AURKB: variants seen among roughly 807,000 people sequenced by gnomAD.
The protein encoded by AURKB is aurora kinase B.
In AURKB, 28 loss-of-function variants were observed where a neutral mutation model predicts 36.5. That is an observed-to-expected ratio of 0.77 (90% CI 0.57 to 1.05). The LOEUF (loss-of-function observed/expected upper bound fraction) is 1.05. AURKB is among the 50% of genes least tolerant of loss of function. The pLI, the probability that AURKB is intolerant of heterozygous loss-of-function variation, is 0.00. For missense variants in AURKB, 383 were observed against 447.4 expected, an observed-to-expected ratio of 0.86 and a Z score of 1.30; for synonymous variants, 175 against 172.9, an observed-to-expected ratio of 1.01 and a Z score of -0.09.
At position 8,206,901 on chromosome 17, in the gene AURKB, A is replaced by G. The variant is rs757804030; in HGVS notation, c.399-13T>C. ...GATGTTGGGATGGCTGGGGGAAGAG[A>G]CAGAGGAGGCCTCAGGCCAAAGGCA... On this transcript the variant is annotated splice_polypyrimidine_tract_variant and intron_variant, in intron 5 of 8. Coordinates refer to ENST00000585124, the MANE Select transcript of AURKB (RefSeq NM_004217.4). The surrounding 1 kb of genome is among the most constrained non-coding windows in gnomAD (Gnocchi z 4.2). 1 of 1,614,174 alleles carries G rather than the reference A, an allele frequency of 6.2e-7. No individual in the cohort carries two copies. The highest frequency in any genetic ancestry group is 8.5e-7 in the Non-Finnish European group (1 of 1,180,044).
At position 8,206,981 on chromosome 17, in the gene AURKB, C is replaced by T. The variant is rs764652330; in HGVS notation, c.399-93G>A. 38 of 1,580,150 alleles carry T rather than the reference C, an allele frequency of 2.4e-5. No homozygotes were observed. Among genetic ancestry groups the T allele is most frequent in the South Asian group, 1.4e-4 (12 of 88,010 alleles). Reference sequence around the variant, plus strand: ...AACTGGGGTCAGACGTGGCCCAGGCCGGGGACACCAGGGCTGGGAGTGGTA... The same window carrying T: ...AACTGGGGTCAGACGTGGCCCAGGCTGGGGACACCAGGGCTGGGAGTGGTA... On this transcript the variant is annotated intron_variant, in intron 5 of 8. Coordinates refer to ENST00000585124, the MANE Select transcript of AURKB (RefSeq NM_004217.4). The surrounding 1 kb of genome is among the most constrained non-coding windows in gnomAD (Gnocchi z 4.2).
chr17:8,207,135 G>A (rs1205886466), intron 5 of AURKB, 41 bp downstream of exon 5: 2 of 1,583,822 alleles, frequency 1.3e-6, no homozygotes, highest in Non-Finnish European at 1.7e-6. Context: ...CTGGGGGTGA[G>A]GGAGCAGAGG....
In AURKB at chr17:8,206,420, G is replaced by C. The variant is rs1985286478; in HGVS notation, c.686+71C>G. 6.3e-7 allele frequency: 1 copy of C among 1,581,636 alleles called. No homozygotes were observed. Among genetic ancestry groups the C allele is most frequent in the Non-Finnish European group, 8.6e-7 (1 of 1,160,934 alleles). ...TGCTGGGATTACAGGTGTGAGCCAC[G>C]GTGCACGGCCCCTGGAGAGGTTTTA... On this transcript the variant is annotated intron_variant, in intron 7 of 8. Transcript: ENST00000585124. This position sits in a 1 kb window ranked among gnomAD's most constrained non-coding sequence, Gnocchi z 4.2.
At chr17:8,210,421 C>T (rs1022942072) in intron 1 of AURKB, 109 bp downstream of exon 1, 9 of 612,468 alleles carry the variant, frequency 1.5e-5, no homozygotes, top group Admixed American at 3.1e-5. Flanking sequence ...ATCGTCCCTA[C>T]CTCCTTCCAG....
Position 8,207,579 on chromosome 17 carries a change from G to T in AURKB, c.198C>A (p.Asp66Glu), listed in dbSNP as rs752882057. 4.9e-5 allele frequency: 79 copies of T among 1,613,590 alleles called. 1 individual carries two copies. Among genetic ancestry groups the T allele is most frequent in the Non-Finnish European group, 6.5e-5 (77 of 1,179,670 alleles). Reference sequence around the variant, plus strand: ...AGGCTTGGGGCACTTACGTTAAGATGTCGGGTGTCCCACTGCTATTCTCCA... The same window carrying T: ...AGGCTTGGGGCACTTACGTTAAGATTTCGGGTGTCCCACTGCTATTCTCCA... ...KVMENSSGTP[D>E]ILTRHFTIDD... The change falls in exon 4 of 9, where the codon GAC (aspartate) becomes GAA (glutamate). Residue 66 changes from aspartate to glutamate, a missense_variant. This residue lies in a region of AURKB where 105 missense variants were observed against 95.7 expected (regional missense o/e 1.10). Transcript: ENST00000585124.
At chr17:8,210,311 G>C in intron 1 of AURKB, 62 bp from the exon 2 acceptor site, 1 of 1,238,274 alleles carries the variant, frequency 8.1e-7, no homozygotes, top group Non-Finnish European at 1.2e-6. Flanking sequence ...GGGAGGGGTT[G>C]GACCGATCGA....
rs112287362 is a variant in AURKB, at chr17:8,207,940, C to A, written c.49-100G>T. 1.2e-3 allele frequency: 1,045 copies of A among 886,726 alleles called. 13 individuals are homozygous for A. In the African/African-American group the frequency reaches 0.016, roughly 13 times the overall value. The allele number at this position is 886,726 out of a possible 1,614,324, so 54.9% of individuals were successfully genotyped here. ...TTCAGCCCCTTGCTAAAGAGCCACC[C>A]ACCCACCTACCCCCAATTCAAAGAG... is the stretch of plus-strand genomic sequence containing the variant. On this transcript the variant is annotated intron_variant, in intron 2 of 8. Transcript: ENST00000585124.
In AURKB at chr17:8,206,627, A is replaced by C. The variant is rs747492163; in HGVS notation, c.550T>G (p.Leu184Val). ...EQRTATIMEE[L>V]ADALMYCHGK... Reference sequence around the variant, plus strand: ...TGGCAGTACATTAGAGCATCTGCCAACTCCTCCATGATCTGGGAGGGGCAA... The same window carrying C: ...TGGCAGTACATTAGAGCATCTGCCACCTCCTCCATGATCTGGGAGGGGCAA... The change falls in exon 7 of 9, where the codon TTG becomes GTG. Residue 184 changes from leucine (L) to valine (V), a missense_variant. Coordinates refer to ENST00000585124, the MANE Select transcript of AURKB (RefSeq NM_004217.4). The surrounding 1 kb of genome is among the most constrained non-coding windows in gnomAD (Gnocchi z 4.2). 1.2e-6 allele frequency: 2 copies of C among 1,613,810 alleles called. No individual in the cohort carries two copies. The highest frequency in any genetic ancestry group is 1.7e-6 in the Non-Finnish European group (2 of 1,179,994).
intron 4 of AURKB, 22 bp downstream of exon 4, chr17:8,207,548 AC>A (rs1160947604): frequency 3.7e-6 from 6 of 1,609,218 alleles, no homozygotes; most frequent in Non-Finnish European, 4.2e-6. Flanking sequence ...ACCCCCGTCC[AC>A]CCCCAGGCTT....
chr17:8,208,754 C>T (rs1025817105), intron 2 of AURKB, among the ~76,000 whole-genome samples: 6 of 152,162 alleles, frequency 3.9e-5, no homozygotes, highest in African/African-American at 1.4e-4. Flanking sequence ...CTGTATAAGT[C>T]CTGTCCATAA....
intron 7 of AURKB, 97 bp from the exon 8 acceptor site, chr17:8,205,487 T>C: frequency 1.4e-6 from 2 of 1,476,242 alleles, no homozygotes; most frequent in Non-Finnish European, 1.8e-6. Context: ...CCACGGGATG[T>C]ACCAGGGGAG....
At chr17:8,205,416 G>T (rs750317217) in intron 7 of AURKB, 26 bp from the exon 8 acceptor site, 30 of 1,611,044 alleles carry the variant, frequency 1.9e-5, no homozygotes, top group Non-Finnish European at 2.5e-5. Flanking sequence ...GGCGTGGGCA[G>T]GGGTCCTAGT....
At position 8,204,923 on chromosome 17, in the gene AURKB, C is replaced by T. The variant is rs773142037; in HGVS notation, c.983G>A (p.Arg328Gln). Reference protein sequence around the residue: ...LAQVSAHPWVRANSRRVLPPS... With the variant: ...LAQVSAHPWVQANSRRVLPPS... ...AGGCAGCACCCTCCGAGAGTTGGCC[C>T]GGACCCAAGGGTGGGCTGAGACCTG... The change falls in exon 9 of 9, where the codon CGG (arginine) becomes CAG (glutamine). Residue 328 changes from arginine to glutamine, a missense_variant. By Grantham distance (43) the Arg-to-Gln change is conservative (BLOSUM62 1). This residue lies in a region of AURKB where 219 missense variants were observed against 252.6 expected (regional missense o/e 0.87). Coordinates refer to ENST00000585124, the MANE Select transcript of AURKB (RefSeq NM_004217.4). 13 of 1,606,938 alleles carry T rather than the reference C, an allele frequency of 8.1e-6. No individual in the cohort carries two copies. Among genetic ancestry groups the T allele is most frequent in the African/African-American group, 4.1e-5 (3 of 74,018 alleles).
intron 4 of AURKB, 89 bp downstream of exon 4, chr17:8,207,482 C>A: frequency 6.4e-7 from 1 of 1,566,508 alleles, no homozygotes; most frequent in Non-Finnish European, 8.7e-7. Context: ...TTCATCCCTA[C>A]TCCTCCCGTG....
rs1985367074 is a variant in AURKB, at chr17:8,206,817, G to T, written c.470C>A (p.Ala157Asp). 6.2e-7 allele frequency: 1 copy of T among 1,614,244 alleles called. No individual in the cohort carries two copies. Among genetic ancestry groups the T allele is most frequent in the Non-Finnish European group, 8.5e-7 (1 of 1,180,046 alleles). ...RRRIYLILEY[A>D]PRGELYKELQ... is the part of the protein sequence containing the mutation. Reference sequence around the variant, plus strand: ...CTCCTTGTAGAGCTCCCCGCGGGGGGCATACTCTAGAATCAAGTAGATCCT... The same window carrying T: ...CTCCTTGTAGAGCTCCCCGCGGGGGTCATACTCTAGAATCAAGTAGATCCT... Residue 157 changes from alanine to aspartate, a missense_variant, in exon 6 of 9, where the codon GCC becomes GAC. This residue lies in a region of AURKB where 219 missense variants were observed against 252.6 expected (regional missense o/e 0.87). Transcript: ENST00000585124. This position sits in a 1 kb window ranked among gnomAD's most constrained non-coding sequence, Gnocchi z 4.2.
rs768421687 is a variant in AURKB, at chr17:8,205,408, C to T, written c.687-18G>A. On this transcript the variant is annotated intron_variant, in intron 7 of 8. Coordinates refer to ENST00000585124, the MANE Select transcript of AURKB (RefSeq NM_004217.4). ...TCTTCCTCCTGGGAGGGATAAGGGG[C>T]GTGGGCAGGGGTCCTAGTGACATAG... 22 of 1,612,142 alleles carry T rather than the reference C, an allele frequency of 1.4e-5. No individual in the cohort carries two copies. Among genetic ancestry groups the T allele is most frequent in the South Asian group, 8.8e-5 (8 of 90,882 alleles).
chr17:8,205,704 T>C (rs1985165421), intron 7 of AURKB, among the ~76,000 whole-genome samples: 1 of 152,110 alleles, frequency 6.6e-6, no homozygotes, highest in African/African-American at 2.4e-5. Context: ...GTTAAATAAA[T>C]CAGCTACTAT....
chr17:8,205,432 A>G (rs757313254), intron 7 of AURKB, 42 bp from the exon 8 acceptor site: 6 of 1,600,168 alleles, frequency 3.7e-6, no homozygotes, highest in South Asian at 1.1e-5. Context: ...CTAGTGACAT[A>G]GGAACTCTCC....
Position 8,209,952 on chromosome 17 carries a change from A to G in AURKB, c.48+225T>C, listed in dbSNP as rs766965552. On this transcript the variant is annotated intron_variant, in intron 2 of 8. Transcript: ENST00000585124. ...TGTGACGAGCCCTGCAGAGGTCCTC[A>G]CCAGCTGGGAGTCACTGGCTGGTCA... The G allele has an allele frequency of 2.9e-5, 18 of 617,610 alleles. No homozygotes were observed. The East Asian group carries it at 4.8e-4, about 16-fold the overall frequency. The allele number at this position is 617,610 out of a possible 1,614,324, so 38.3% of individuals were successfully genotyped here. A position where few individuals can be genotyped will look rare whatever the true frequency, so the allele number is the denominator to read the frequency against.
Sources: gnomAD v4.1 joint callset for allele counts (sites outside exome capture counted in the v4.1 genomes callset) on GRCh38, gnomAD v4.1.1 for gene constraint, gnomAD v4.1.1 regional missense constraint, Gnocchi (gnomAD v3.1) non-coding constraint, MANE v1.5 for transcripts, NCBI Gene and HGNC (gene_info 2026-07-23, HGNC 2026-07-21) for gene names.